Variants in GLRA2 observed in about 807,000 individuals in gnomAD.
The protein encoded by GLRA2 is glycine receptor subunit alpha-2.
A neutral mutation model predicts 31.6 loss-of-function variants in GLRA2; 11 were observed. The observed-to-expected ratio is 0.35, with a 90% CI of 0.22 to 0.58. GLRA2 has a LOEUF of 0.58. Among genes scored for constraint, GLRA2 ranks in the 20% least tolerant of loss-of-function variants. GLRA2 has a pLI of 0.84. For missense variants in GLRA2, 212 were observed against 351.8 expected (o/e 0.60, Z 3.18); for synonymous variants, 132 against 134.0 (o/e 0.99, Z 0.10).
chrX:14,484,325 C>T, the GLRA2 span, among the ~76,000 whole-genome samples: 220 of 111,925 alleles, frequency 2.0e-3, 4 homozygotes, highest in East Asian at 0.055. Flanking sequence ...AAAGCATCTC[C>T]TAACACTTTG....
chrX:14,455,640 C>T, the GLRA2 span, among the ~76,000 whole-genome samples: 2 of 111,125 alleles, frequency 1.8e-5, no homozygotes, highest in African/African-American at 6.5e-5. Flanking sequence ...CTATATTTTG[C>T]TATTTGGAAG....
At position 14,555,405 on chromosome X, in the gene GLRA2, A is replaced by G. The variant is rs753800560; in HGVS notation, c.203-18928A>G. Among the ~76,000 whole-genome samples, 5 of 111,823 alleles carry G rather than the reference A, an allele frequency of 4.5e-5. No homozygotes were observed. In the East Asian group the frequency reaches 1.4e-3, roughly 31 times the overall value. ...GCCTACATAGGGTCATACAAATAGT[A>G]TATAGTAGAGCCAGGATTTAAACCC... is the stretch of plus-strand genomic sequence containing the variant. On this transcript the variant is annotated intron_variant, in intron 2 of 8. Coordinates refer to ENST00000218075, the MANE Select transcript of GLRA2 (RefSeq NM_002063.4).
At chrX:14,491,639 C>T in the GLRA2 span, among the ~76,000 whole-genome samples, 3 of 111,549 alleles carry the variant, frequency 2.7e-5, no homozygotes, top group African/African-American at 6.5e-5. Context: ...GTCTGGGCAT[C>T]AGGATTTCTA....
chrX:14,587,460 G>A (rs770739325), intron 4 of GLRA2, among the ~76,000 whole-genome samples: 6 of 111,967 alleles, frequency 5.4e-5, no homozygotes, highest in African/African-American at 1.9e-4. Flanking sequence ...GTTGCTTTTT[G>A]ACTTTTTGAT....
chrX:14,609,001 C>T lies in GLRA2; in HGVS notation c.726C>T (p.Thr242=), dbSNP rs761013909. The part of the protein sequence containing the change: ...CTKHYNTGKF[T]CIEVKFHLER... ...ATTTCCTCCTTCTAGGAAAGTTTAC[C>T]TGCATTGAGGTCAAGTTTCATCTGG... is the stretch of plus-strand genomic sequence containing the variant. The change falls in exon 7 of 9, where the codon ACC becomes ACT. Residue 242 remains threonine, a synonymous_variant. Coordinates refer to ENST00000218075, the MANE Select transcript of GLRA2 (RefSeq NM_002063.4). The T allele has an allele frequency of 9.3e-7, 1 of 1,078,690 alleles. No homozygotes were observed. Among genetic ancestry groups the T allele is most frequent in the South Asian group, 1.9e-5 (1 of 53,516 alleles). 88.9% of individuals were successfully genotyped at this position (1,078,690 alleles called of 1,213,427 possible).
At chrX:14,699,958 C>T (rs1314758972) in intron 8 of GLRA2, among the ~76,000 whole-genome samples, 1 of 111,754 alleles carries the variant, frequency 8.9e-6, no homozygotes, top group African/African-American at 3.3e-5. Context: ...AGGGGAACAA[C>T]ACACACTGGG....
chrX:14,571,122 C>T (rs2089876480), intron 2 of GLRA2, among the ~76,000 whole-genome samples: 1 of 111,437 alleles, frequency 9.0e-6, no homozygotes, highest in Non-Finnish European at 1.9e-5. Context: ...AATGATAGTG[C>T]CATGAAAAAC....
chrX:14,497,397 A>G, the GLRA2 span, among the ~76,000 whole-genome samples: 11 of 112,331 alleles, frequency 9.8e-5, no homozygotes, highest in African/African-American at 3.2e-4. Flanking sequence ...ATTTATCATA[A>G]GAGTAACAGG....
the GLRA2 span, among the ~76,000 whole-genome samples, chrX:14,509,305 T>G: frequency 8.9e-6 from 1 of 112,864 alleles, no homozygotes; most frequent in South Asian, 3.6e-4. Context: ...CTTCATGTAT[T>G]ATATTACCCT....
chrX:14,609,137 G>A lies in GLRA2; in HGVS notation c.862G>A (p.Ala288Thr), dbSNP rs2090371373. 1 of 1,201,954 alleles carries A rather than the reference G, an allele frequency of 8.3e-7. No individual in the cohort carries two copies. The highest frequency in any genetic ancestry group is 1.7e-5 in the African/African-American group (1 of 57,411). ...TATGGATGCAGCCCCTGCCAGGGTC[G>A]CACTGGGCATCACCACAGTCTTAAC... ...INMDAAPARV[A>T]LGITTVLTMT... The change falls in exon 7 of 9, where the codon GCA (alanine) becomes ACA (threonine). Residue 288 changes from alanine to threonine, a missense_variant. Physicochemically the swap from Ala to Thr is moderately conservative, Grantham distance 58 (BLOSUM62 0). Coordinates refer to ENST00000218075, the MANE Select transcript of GLRA2 (RefSeq NM_002063.4).
At chrX:14,557,263 C>T (rs1464087380) in intron 2 of GLRA2, among the ~76,000 whole-genome samples, 1 of 107,153 alleles carries the variant, frequency 9.3e-6, no homozygotes, top group Non-Finnish European at 1.9e-5. Flanking sequence ...CTACAGGCGC[C>T]CACCACCACG....
At chrX:14,565,353 C>T (rs181258117) in intron 2 of GLRA2, among the ~76,000 whole-genome samples, 1 of 111,326 alleles carries the variant, frequency 9.0e-6, no homozygotes, top group African/African-American at 3.2e-5. Flanking sequence ...GATTTTAAGT[C>T]AAAAATTGTT....
chrX:14,489,969 T>C, the GLRA2 span, among the ~76,000 whole-genome samples: 4 of 110,373 alleles, frequency 3.6e-5, no homozygotes. Flanking sequence ...GAGGAAATAA[T>C]AGGACCTAGA....
At chrX:14,564,816 T>C (rs1415999268) in intron 2 of GLRA2, among the ~76,000 whole-genome samples, 3 of 111,608 alleles carry the variant, frequency 2.7e-5, no homozygotes, top group Non-Finnish European at 5.7e-5. Flanking sequence ...TGAAGTTAAG[T>C]TGGTATCATT....
intron 2 of GLRA2, among the ~76,000 whole-genome samples, chrX:14,558,207 C>T (rs550176664): frequency 1.4e-4 from 16 of 111,819 alleles, no homozygotes; most frequent in Middle Eastern, 4.7e-3. Context: ...ATCCAATGAA[C>T]GCACAATAAT....
intron 7 of GLRA2, among the ~76,000 whole-genome samples, chrX:14,681,933 A>ATATATG (rs1428893421): frequency 3.5e-5 from 3 of 84,615 alleles, no homozygotes; most frequent in African/African-American, 8.2e-5. Flanking sequence ...ATATATATGT[A>ATATATG]TATATATGTG....
the GLRA2 span, among the ~76,000 whole-genome samples, chrX:14,479,792 G>A: frequency 1.8e-5 from 2 of 111,629 alleles, no homozygotes; most frequent in African/African-American, 6.5e-5. Context: ...AACCTAGGTT[G>A]ATTCCGTATC....
intron 8 of GLRA2, among the ~76,000 whole-genome samples, chrX:14,727,006 G>C (rs2091937107): frequency 1.8e-5 from 2 of 111,991 alleles, no homozygotes; most frequent in African/African-American, 6.5e-5. Flanking sequence ...CAGTAAATTT[G>C]AGCAGATAAG....
intron 8 of GLRA2, among the ~76,000 whole-genome samples, chrX:14,714,099 G>T (rs1220734202): frequency 9.0e-6 from 1 of 110,679 alleles, no homozygotes. Context: ...TCTATTTCCT[G>T]GTTTGAAGCT....
Sources: allele counts gnomAD v4.1 joint callset (sites outside exome capture counted in the v4.1 genomes callset), GRCh38; gene constraint gnomAD v4.1.1; transcripts MANE v1.5; gene names NCBI Gene and HGNC (gene_info 2026-07-23, HGNC 2026-07-21).